SPATA17: variants seen among roughly 807,000 people sequenced by gnomAD.
SPATA17 encodes the protein spermatogenesis associated 17.
SPATA17 carries 53 observed loss-of-function variants against 62.2 expected under a neutral mutation model. That is an observed-to-expected ratio of 0.85 (90% CI 0.68 to 1.07). The LOEUF is 1.07. Ranked by LOEUF, SPATA17 falls within the 50% of genes least tolerant of loss-of-function variation. The pLI is 0.00. For synonymous variants in SPATA17, 146 were observed against 146.8 expected (o/e 0.99, Z 0.04); for missense variants, 466 against 425.5 (o/e 1.10, Z -0.84).
rs112655957 is a variant in SPATA17 at position 217,790,448 on chromosome 1, AT to A, written c.872+8136del. Among the ~76,000 whole-genome samples the A allele has an allele frequency of 1.5e-3, 227 of 149,546 alleles. 1 individual carries two copies. Among genetic ancestry groups the A allele is most frequent in the African/African-American group, 4.9e-3 (199 of 40,898 alleles). On this transcript the variant is annotated intron_variant, in intron 8 of 10. Coordinates refer to ENST00000366933, the MANE Select transcript of SPATA17 (RefSeq NM_138796.4). The stretch of plus-strand genomic sequence containing the variant: ...AAAAGTAAGTAAATTACTCACTTTT[AT>A]TTTTTTTTTGAGACAGAGTCTTGCT...
At chr1:217,743,659 G>A (rs1034445527) in intron 6 of SPATA17, among the ~76,000 whole-genome samples, 4 of 151,908 alleles carry the variant, frequency 2.6e-5, no homozygotes, top group Admixed American at 6.6e-5. Context: ...GCCCAGGCTG[G>A]AGTACAGTGG....
intron 9 of SPATA17, among the ~76,000 whole-genome samples, chr1:217,846,347 T>G (rs1475590052): frequency 6.6e-6 from 1 of 152,128 alleles, no homozygotes; most frequent in Admixed American, 6.6e-5. Context: ...GTCTAGCATA[T>G]TAATATGTTC....
intron 8 of SPATA17, among the ~76,000 whole-genome samples, chr1:217,797,042 G>C (rs78390417): frequency 6.6e-6 from 1 of 151,956 alleles, no homozygotes; most frequent in Non-Finnish European, 1.5e-5. Flanking sequence ...TACTACAATT[G>C]TAAAACATGT....
chr1:217,851,534 G>C (rs1571843585), intron 9 of SPATA17, among the ~76,000 whole-genome samples: 1 of 152,220 alleles, frequency 6.6e-6, no homozygotes, highest in East Asian at 1.9e-4. Flanking sequence ...CATTTTTATA[G>C]CTTGACAAAA....
intron 5 of SPATA17, among the ~76,000 whole-genome samples, chr1:217,704,230 CTTTTTT>C (rs560591615): frequency 4.1e-4 from 17 of 41,710 alleles, no homozygotes; most frequent in Non-Finnish European, 6.5e-4. Flanking sequence ...TTCCCTCTAC[CTTTTTT>C]TTTTTTTTTT....
intron 9 of SPATA17, among the ~76,000 whole-genome samples, chr1:217,853,323 CA>C (rs1675707197): frequency 6.6e-6 from 1 of 152,046 alleles, no homozygotes; most frequent in Non-Finnish European, 1.5e-5. Flanking sequence ...TTAAACTAAA[CA>C]TCAGGTTATA....
chr1:217,822,128 G>A (rs1379512643), intron 9 of SPATA17, among the ~76,000 whole-genome samples: 11 of 152,018 alleles, frequency 7.2e-5, no homozygotes, highest in Non-Finnish European at 5.9e-5. Flanking sequence ...GAGTATGCAC[G>A]TTTTTAAGAC....
intron 7 of SPATA17, among the ~76,000 whole-genome samples, chr1:217,781,706 T>G (rs376031784): frequency 6.6e-6 from 1 of 152,174 alleles, no homozygotes; most frequent in Non-Finnish European, 1.5e-5. Context: ...CATTTGAAAT[T>G]CACCAAAAAA....
At chr1:217,818,142 C>A (rs1674768665) in intron 9 of SPATA17, among the ~76,000 whole-genome samples, 1 of 151,894 alleles carries the variant, frequency 6.6e-6, no homozygotes, top group African/African-American at 2.4e-5. Flanking sequence ...TTTTATTATT[C>A]TTACAGTACT....
At chr1:217,752,364 A>G (rs1173229465) in intron 6 of SPATA17, among the ~76,000 whole-genome samples, 1 of 152,214 alleles carries the variant, frequency 6.6e-6, no homozygotes, top group African/African-American at 2.4e-5. Flanking sequence ...CATTTCAAGC[A>G]CATTTCAAAT....
chr1:217,791,193 A>C (rs1673989068), intron 8 of SPATA17, among the ~76,000 whole-genome samples: 1 of 152,230 alleles, frequency 6.6e-6, no homozygotes, highest in African/African-American at 2.4e-5. Context: ...CCAAACAAGC[A>C]GTAATAGGAG....
chr1:217,665,922 C>G (rs182270705), intron 3 of SPATA17, among the ~76,000 whole-genome samples: 1 of 152,258 alleles, frequency 6.6e-6, no homozygotes, highest in Admixed American at 6.5e-5. Flanking sequence ...TGATAATGTT[C>G]AAATGCTATT....
At chr1:217,740,633 T>C (rs1239393827) in intron 5 of SPATA17, among the ~76,000 whole-genome samples, 1 of 152,164 alleles carries the variant, frequency 6.6e-6, no homozygotes, top group Non-Finnish European at 1.5e-5. Flanking sequence ...CCAGGTTACT[T>C]AGCGATTAAT....
intron 5 of SPATA17, among the ~76,000 whole-genome samples, chr1:217,737,001 A>G (rs993035919): frequency 4.6e-5 from 7 of 152,286 alleles, no homozygotes; most frequent in South Asian, 4.1e-4. Flanking sequence ...TTGGAAAACT[A>G]ATATATGTAA....
At chr1:217,782,429 G>A in intron 8 of SPATA17, 107 bp downstream of exon 8, 1 of 1,275,726 alleles carries the variant, frequency 7.8e-7, no homozygotes, top group Non-Finnish European at 1.0e-6. Flanking sequence ...GTGAGAAAAG[G>A]TAAAGCCACC....
chr1:217,701,653 C>T (rs1671602225), intron 5 of SPATA17, among the ~76,000 whole-genome samples: 1 of 152,126 alleles, frequency 6.6e-6, no homozygotes, highest in Non-Finnish European at 1.5e-5. Context: ...TCCCAAAGTG[C>T]TGTGACTAGA....
In SPATA17 at chr1:217,784,463, A is replaced by G. The variant is rs1185807040; in HGVS notation, c.872+2141A>G. On this transcript the variant is annotated intron_variant, in intron 8 of 10. Coordinates refer to ENST00000366933, the MANE Select transcript of SPATA17 (RefSeq NM_138796.4). ...AATTGCAGTGTGTTATAGTAGAAGT[A>G]GTATGAACTTTGAAACTAGAGCTAT... Among the ~76,000 whole-genome samples the G allele has an allele frequency of 5.3e-5, 8 of 152,278 alleles. 1 individual carries two copies. In the South Asian group the frequency reaches 1.7e-3, roughly 32 times the overall value.
At chr1:217,685,195 G>A (rs1379589169) in intron 5 of SPATA17, among the ~76,000 whole-genome samples, 3 of 152,134 alleles carry the variant, frequency 2.0e-5, no homozygotes, top group South Asian at 2.1e-4. Flanking sequence ...AGGGTCACAC[G>A]ATTATCAACC....
intron 9 of SPATA17, among the ~76,000 whole-genome samples, chr1:217,829,966 T>A (rs1190805285): frequency 2.0e-5 from 3 of 152,046 alleles, no homozygotes; most frequent in African/African-American, 7.2e-5. Flanking sequence ...ATGAGAGATA[T>A]ATTAATCTAC....
Sources: gnomAD v4.1 joint callset for allele counts (sites outside exome capture counted in the v4.1 genomes callset) on GRCh38, gnomAD v4.1.1 for gene constraint, MANE v1.5 for transcripts, NCBI Gene and HGNC (gene_info 2026-07-23, HGNC 2026-07-21) for gene names.